CD44: variants seen among roughly 807,000 people sequenced by gnomAD.
The protein encoded by CD44 is CD44 molecule (IN blood group).
A neutral mutation model predicts 88.8 loss-of-function variants in CD44; 49 were observed. The ratio of observed to expected loss-of-function variants is 0.55; its 90% CI spans 0.44 to 0.70. The LOEUF (loss-of-function observed/expected upper bound fraction) is 0.70, where lower values mean the gene tolerates loss of function less well. CD44 is among the 30% of genes least tolerant of loss of function. The pLI, the probability that CD44 is intolerant of heterozygous loss-of-function variation, is 0.00. For missense variants in CD44, 883 were observed against 913.8 expected, an observed-to-expected ratio of 0.97 and a Z score of 0.43; for synonymous variants, 325 against 312.3, an observed-to-expected ratio of 1.04 and a Z score of -0.43.
chr11:35,170,151 G>T (rs1033040147), intron 1 of CD44, among the ~76,000 whole-genome samples: 1 of 152,072 alleles, frequency 6.6e-6, no homozygotes, highest in South Asian at 2.1e-4. Context: ...TGACAGGTTC[G>T]CATTGTCATC....
chr11:35,150,117 G>A (rs774510033), intron 1 of CD44, among the ~76,000 whole-genome samples: 2 of 152,174 alleles, frequency 1.3e-5, no homozygotes, highest in African/African-American at 4.8e-5. Flanking sequence ...CTGAAGAAGA[G>A]AAAAATTGTT....
rs141911828 is a variant in CD44, at chr11:35,182,575, A to G, written c.367+2168A>G. On this transcript the variant is annotated intron_variant, in intron 3 of 17. Coordinates refer to ENST00000428726, the MANE Select transcript of CD44 (RefSeq NM_000610.4). ...CTCAGTTCCCATACCCATGTCTAGC[A>G]TGTCGTTCTAATGATATTATAATGA... Among the ~76,000 whole-genome samples, 1,365 of 152,320 alleles carry G rather than the reference A, an allele frequency of 9.0e-3. 15 individuals carry two copies. Among genetic ancestry groups the G allele is most frequent in the Non-Finnish European group, 0.015 (1,014 of 68,026 alleles).
At chr11:35,227,899 G>A (rs1446305424) in intron 17 of CD44, among the ~76,000 whole-genome samples, 1 of 152,150 alleles carries the variant, frequency 6.6e-6, no homozygotes, top group Admixed American at 6.5e-5. Context: ...GTGTGACCTC[G>A]AGCAAGTTAT....
intron 1 of CD44, among the ~76,000 whole-genome samples, chr11:35,146,487 CACTT>C (rs1235746957): frequency 2.6e-5 from 4 of 152,308 alleles, no homozygotes; most frequent in Non-Finnish European, 5.9e-5. Flanking sequence ...TAATAGCAAA[CACTT>C]ACAGAGTGTT....
At chr11:35,188,423 G>A (rs1945909923) in intron 4 of CD44, among the ~76,000 whole-genome samples, 2 of 152,184 alleles carry the variant, frequency 1.3e-5, no homozygotes, top group Non-Finnish European at 2.9e-5. Context: ...AACAACCTAT[G>A]AGAATATTCA....
intron 1 of CD44, among the ~76,000 whole-genome samples, chr11:35,170,379 G>T (rs984947890): frequency 1.3e-5 from 2 of 152,166 alleles, no homozygotes; most frequent in Non-Finnish European, 1.5e-5. Context: ...CAGCTCCCTA[G>T]CAGACCTCTT....
chr11:35,169,187 A>G (rs1431894585), intron 1 of CD44, among the ~76,000 whole-genome samples: 1 of 152,174 alleles, frequency 6.6e-6, no homozygotes, highest in Non-Finnish European at 1.5e-5. Context: ...ATTTCATTCA[A>G]CATTTGCCTA....
chr11:35,181,952 A>AT (rs1945155283), intron 3 of CD44, among the ~76,000 whole-genome samples: 6 of 88,080 alleles, frequency 6.8e-5, no homozygotes, highest in African/African-American at 4.7e-5. Context: ...TATAATATAT[A>AT]TAAATTTTAT....
chr11:35,199,187 T>C (rs897689103), intron 7 of CD44, among the ~76,000 whole-genome samples: 2 of 152,170 alleles, frequency 1.3e-5, no homozygotes, highest in Admixed American at 6.6e-5. Flanking sequence ...CATTGCCACT[T>C]ATTAAAAGCA....
At chr11:35,210,912 T>C (rs1000421649) in intron 13 of CD44, 15 of 208,098 alleles carry the variant, frequency 7.2e-5, no homozygotes, top group Admixed American at 6.9e-4. Context: ...ATGAATCCAA[T>C]TGAGAAAGAA....
intron 1 of CD44, among the ~76,000 whole-genome samples, chr11:35,170,929 T>C (rs1483539891): frequency 6.6e-6 from 1 of 152,210 alleles, no homozygotes; most frequent in Non-Finnish European, 1.5e-5. Context: ...TCATTGTGAG[T>C]TTGGGCATGT....
chr11:35,215,091 T>C, intron 15 of CD44, 177 bp downstream of exon 15: 2 of 410,886 alleles, frequency 4.9e-6, no homozygotes, highest in Admixed American at 8.8e-5. Context: ...TTAAGGTTCC[T>C]GATTCAGTAG....
At position 35,143,419 on chromosome 11, in the gene CD44, C is replaced by T. The variant is rs1449027580; in HGVS notation, c.67+4049C>T. Among the ~76,000 whole-genome samples, 4 of 151,362 alleles carry T rather than the reference C, an allele frequency of 2.6e-5. No homozygotes were observed. The East Asian group carries it at 7.7e-4, about 29-fold the overall frequency. The stretch of plus-strand genomic sequence containing the variant: ...CACAGGATATCTTATCTAAGCCTCC[C>T]AACAGCCCAATACACCTAGCACTCT... On this transcript the variant is annotated intron_variant, in intron 1 of 17. Coordinates refer to ENST00000428726, the MANE Select transcript of CD44 (RefSeq NM_000610.4).
chr11:35,207,558 G>A (rs564188931), intron 11 of CD44, among the ~76,000 whole-genome samples: 38 of 152,280 alleles, frequency 2.5e-4, no homozygotes, highest in African/African-American at 8.2e-4. Flanking sequence ...ATTCAATGAC[G>A]TCCACTGCTT....
intron 16 of CD44, among the ~76,000 whole-genome samples, chr11:35,219,762 AGGT>A (rs1565156396): frequency 3.3e-5 from 5 of 152,314 alleles, no homozygotes; most frequent in Admixed American, 3.3e-4. Context: ...CTGGGGTCCA[AGGT>A]GAAGCATGTA....
intron 1 of CD44, among the ~76,000 whole-genome samples, chr11:35,164,377 A>G (rs1278480655): frequency 6.6e-6 from 1 of 152,218 alleles, no homozygotes; most frequent in African/African-American, 2.4e-5. Flanking sequence ...AAGGTATAGC[A>G]TCTATTAAGG....
chr11:35,150,562 C>T (rs3794125), intron 1 of CD44, among the ~76,000 whole-genome samples: 8,491 of 152,294 alleles, frequency 0.056, 318 homozygotes, highest in Admixed American at 0.12. Context: ...CTGTCAGTCA[C>T]TGAATGTCCT....
intron 1 of CD44, among the ~76,000 whole-genome samples, chr11:35,161,492 C>G (rs76801251): frequency 0.016 from 2,423 of 152,262 alleles, 68 homozygotes; most frequent in African/African-American, 0.055. Context: ...GCATAGATGT[C>G]AGGGGGTCAG....
intron 1 of CD44, among the ~76,000 whole-genome samples, chr11:35,155,485 G>A (rs1040304494): frequency 5.3e-5 from 8 of 152,086 alleles, no homozygotes; most frequent in Non-Finnish European, 1.2e-4. Context: ...CATGGGTAGA[G>A]CTCACATGGG....
Sources: gnomAD v4.1 joint callset for allele counts (sites outside exome capture counted in the v4.1 genomes callset) on GRCh38, gnomAD v4.1.1 for gene constraint, MANE v1.5 for transcripts, NCBI Gene and HGNC (gene_info 2026-07-23, HGNC 2026-07-21) for gene names.